HEATR4: variants seen among roughly 807,000 people sequenced by gnomAD.
The protein encoded by HEATR4 is HEAT repeat-containing protein 4.
A neutral mutation model predicts 108.8 loss-of-function variants in HEATR4; 95 were observed. The observed-to-expected ratio is 0.87, with a 90% CI of 0.74 to 1.04. HEATR4 has a LOEUF of 1.04. Ranked by LOEUF, HEATR4 falls within the 50% of genes least tolerant of loss-of-function variation. The probability of loss-of-function intolerance (pLI) is 0.00; values close to 1 mark genes in which losing one functional copy is unlikely to be tolerated. For synonymous variants in HEATR4, 443 were observed against 459.4 expected (o/e 0.96, Z 0.46); for missense variants, 1,152 against 1,253.8 (o/e 0.92, Z 1.23).
the HEATR4 span, among the ~76,000 whole-genome samples, chr14:73,593,012 T>G: frequency 1.3e-5 from 2 of 152,352 alleles, no homozygotes; most frequent in African/African-American, 4.8e-5. Flanking sequence ...TTATCCACTT[T>G]GCTATTAATC....
At chr14:73,596,112 T>C in the HEATR4 span, 1,912 of 155,528 alleles carry the variant, frequency 0.012, 49 homozygotes, top group African/African-American at 0.044. Context: ...GAAGACTCTT[T>C]TGACAGGAGG....
the HEATR4 span, among the ~76,000 whole-genome samples, chr14:73,576,866 G>GT: frequency 0.035 from 2,495 of 70,514 alleles, 104 homozygotes; most frequent in African/African-American, 0.12. Flanking sequence ...CAATAAACTT[G>GT]TTTTTTTTTT....
At chr14:73,603,512 G>A in the HEATR4 span, among the ~76,000 whole-genome samples, 5 of 151,866 alleles carry the variant, frequency 3.3e-5, no homozygotes, top group South Asian at 8.3e-4. Context: ...ATGCTACCAT[G>A]CCCTGCTAAT....
At chr14:73,485,360 GC>G (rs1428411153) in intron 17 of HEATR4, among the ~76,000 whole-genome samples, 5 of 151,248 alleles carry the variant, frequency 3.3e-5, no homozygotes, top group African/African-American at 1.2e-4. Flanking sequence ...GAAATTAAAA[GC>G]AACAACCATC....
chr14:73,604,596 C>T, the HEATR4 span, among the ~76,000 whole-genome samples: 1 of 152,108 alleles, frequency 6.6e-6, no homozygotes, highest in South Asian at 2.1e-4. Context: ...AGTGATTCTG[C>T]TGCCTCAACC....
At chr14:73,570,578 A>G in the HEATR4 span, among the ~76,000 whole-genome samples, 2 of 151,260 alleles carry the variant, frequency 1.3e-5, no homozygotes, top group African/African-American at 4.9e-5. Flanking sequence ...CAAAAAAAAG[A>G]CATTGTAAGG....
At chr14:73,537,942 T>A in intron 1 of HEATR4, 1 of 1,094,958 alleles carries the variant, frequency 9.1e-7, no homozygotes. Flanking sequence ...CCACTGTGTG[T>A]GTGTGTGTGT....
chr14:73,573,121 CT>C, the HEATR4 span, among the ~76,000 whole-genome samples: 1 of 151,512 alleles, frequency 6.6e-6, no homozygotes, highest in Non-Finnish European at 1.5e-5. Context: ...AGCAGTCTTT[CT>C]TTTTGTTTCT....
At chr14:73,610,492 T>C in the HEATR4 span, among the ~76,000 whole-genome samples, 3 of 152,054 alleles carry the variant, frequency 2.0e-5, no homozygotes, top group Admixed American at 6.6e-5. Flanking sequence ...GGTTTCACCA[T>C]GTTGGCCAGG....
the HEATR4 span, among the ~76,000 whole-genome samples, chr14:73,564,674 G>A: frequency 2.0e-5 from 3 of 147,792 alleles, no homozygotes; most frequent in African/African-American, 7.5e-5. Context: ...ACAACAGTTT[G>A]AAATAGTTAG....
chr14:73,491,969 C>T, intron 17 of HEATR4: 1 of 1,613,992 alleles, frequency 6.2e-7, no homozygotes, highest in Non-Finnish European at 8.5e-7. Context: ...GCTTCAAGAG[C>T]AGTTTGGAAG....
chr14:73,527,961 CAAAAAAAAAAAAA>C (rs34109465), intron 2 of HEATR4, among the ~76,000 whole-genome samples: 8 of 52,678 alleles, frequency 1.5e-4, no homozygotes, highest in African/African-American at 2.9e-4. Context: ...AACTCCATCT[CAAAAAAAAAAAAA>C]AAAAAAAAAA....
At chr14:73,527,942 CA>C (rs1566844762) in intron 2 of HEATR4, among the ~76,000 whole-genome samples, 2 of 96,150 alleles carry the variant, frequency 2.1e-5, no homozygotes, top group East Asian at 6.4e-4. Flanking sequence ...GCCTGGGTAA[CA>C]GGGGCAAAAC....
the HEATR4 span, among the ~76,000 whole-genome samples, chr14:73,625,713 T>C: frequency 6.6e-6 from 1 of 152,174 alleles, no homozygotes; most frequent in African/African-American, 2.4e-5. Flanking sequence ...ACTACTGTAA[T>C]TGTTTTGGGG....
chr14:73,482,268 C>T (rs1423553077), intron 17 of HEATR4, among the ~76,000 whole-genome samples: 2 of 152,038 alleles, frequency 1.3e-5, no homozygotes, highest in African/African-American at 4.8e-5. Context: ...ACACCTGTAA[C>T]CCCAGCACTT....
chr14:73,584,024 CTATG>C, the HEATR4 span, among the ~76,000 whole-genome samples: 3 of 151,600 alleles, frequency 2.0e-5, no homozygotes, highest in African/African-American at 7.3e-5. Flanking sequence ...GACAAAATGG[CTATG>C]TATGACCTTT....
intron 1 of HEATR4, among the ~76,000 whole-genome samples, chr14:73,555,066 G>C (rs1403621416): frequency 1.8e-5 from 2 of 113,352 alleles, no homozygotes; most frequent in African/African-American, 5.7e-5. Flanking sequence ...AGAATGTAGA[G>C]GGAGAGATCA....
At chr14:73,625,686 C>T in the HEATR4 span, among the ~76,000 whole-genome samples, 6 of 152,152 alleles carry the variant, frequency 3.9e-5, no homozygotes, top group African/African-American at 9.7e-5. Context: ...ATATCTGTTA[C>T]GGTGATCTTT....
chr14:73,594,963 G>A, the HEATR4 span: 49 of 1,511,604 alleles, frequency 3.2e-5, no homozygotes, highest in South Asian at 8.9e-5. Flanking sequence ...CCTCCGCCTC[G>A]CAGAGTGTTG....
Sources: allele counts gnomAD v4.1 joint callset (sites outside exome capture counted in the v4.1 genomes callset), GRCh38; gene constraint gnomAD v4.1.1; transcripts MANE v1.5; gene names NCBI Gene and HGNC (gene_info 2026-07-23, HGNC 2026-07-21).